Variants in ZNF43 observed in about 807,000 individuals in gnomAD.
The protein encoded by ZNF43 is zinc finger protein 43.
ZNF43 carries 44 observed loss-of-function variants against 68.4 expected under a neutral mutation model. The observed-to-expected ratio is 0.64, with a 90% confidence interval of 0.51 to 0.83. The LOEUF is 0.83. Ranked by LOEUF, ZNF43 falls within the 40% of genes least tolerant of loss-of-function variation. The pLI, the probability that ZNF43 is intolerant of heterozygous loss-of-function variation, is 0.00. For missense variants in ZNF43, 896 were observed against 933.2 expected (o/e 0.96, Z 0.52); for synonymous variants, 308 against 307.8 (o/e 1.00, Z -0.01).
At chr19:21,837,283 T>C (rs1477763622), upstream of ZNF43, among the ~76,000 whole-genome samples, 1 of 152,106 alleles carries the variant, frequency 6.6e-6, no homozygotes, top group East Asian at 1.9e-4. Flanking sequence ...GGTACAGAAG[T>C]TCTAATGGAA....
At position 21,808,139 on chromosome 19, in the gene ZNF43, T is replaced by C. The variant is rs2037053227; in HGVS notation, c.1898A>G (p.Gln633Arg). The C allele has an allele frequency of 3.1e-6, 5 of 1,612,472 alleles. No homozygotes were observed. The highest frequency in any genetic ancestry group is 3.4e-6 in the Non-Finnish European group (4 of 1,179,560). ...KCEECGKAFN[Q>R]FSTLTKHKII... Reference sequence around the variant, plus strand: ...CTTATGTTTAGTAAGAGTTGAGAACTGGTTAAAAGCTTTGCCACATTCTTC... The same window carrying C: ...CTTATGTTTAGTAAGAGTTGAGAACCGGTTAAAAGCTTTGCCACATTCTTC... Residue 633 changes from glutamine to arginine, a missense_variant, in exon 4 of 4, where the codon CAG becomes CGG. By Grantham distance (43) the Gln-to-Arg change is conservative. Transcript: ENST00000354959.
At chr19:21,814,782 T>C (rs2037439580) in intron 3 of ZNF43, among the ~76,000 whole-genome samples, 1 of 152,128 alleles carries the variant, frequency 6.6e-6, no homozygotes, top group Non-Finnish European at 1.5e-5. Flanking sequence ...GAAATTATAA[T>C]ACATAGGTAA....
chr19:21,837,627 G>A (rs115779019), upstream of ZNF43, among the ~76,000 whole-genome samples: 740 of 151,458 alleles, frequency 4.9e-3, 6 homozygotes, highest in African/African-American at 0.017. Flanking sequence ...CAGATTACTC[G>A]ATAATTAAAA....
chr19:21,822,152 G>T (rs1184621058), intron 1 of ZNF43, among the ~76,000 whole-genome samples: 1 of 112,780 alleles, frequency 8.9e-6, no homozygotes, highest in Non-Finnish European at 2.0e-5. Context: ...GCTAATATGA[G>T]TTTCACCTTT....
chr19:21,839,357 G>C (rs1203248100), upstream of ZNF43, among the ~76,000 whole-genome samples: 41 of 53,262 alleles, frequency 7.7e-4, 1 homozygote, highest in Middle Eastern at 0.012. Flanking sequence ...AAAAAAAAAA[G>C]AGATCACATA....
intron 1 of ZNF43, among the ~76,000 whole-genome samples, chr19:21,842,784 A>G (rs1254545845): frequency 1.3e-5 from 2 of 152,166 alleles, no homozygotes; most frequent in Non-Finnish European, 2.9e-5. Context: ...GAGTCATATA[A>G]TCTAGTTTAT....
intron 2 of ZNF43, 127 bp from the exon 3 acceptor site, chr19:21,818,113 T>G (rs2037619836): frequency 1.6e-5 from 17 of 1,067,780 alleles, no homozygotes; most frequent in Non-Finnish European, 2.2e-5. Flanking sequence ...CTAATTTTTT[T>G]TTTTTTGGAG....
At chr19:21,819,347 C>T (rs368395605) in intron 1 of ZNF43, 126 bp from the exon 2 acceptor site, 1 of 1,028,300 alleles carries the variant, frequency 9.7e-7, no homozygotes, top group African/African-American at 1.7e-5. Context: ...ATAGAAGAGA[C>T]TGAAATTATC....
At chr19:21,850,495 A>C (rs1968273749) in intron 1 of ZNF43, among the ~76,000 whole-genome samples, 1 of 151,784 alleles carries the variant, frequency 6.6e-6, no homozygotes, top group African/African-American at 2.4e-5. Flanking sequence ...GGGAAGCGGA[A>C]GTTGCAGTGA....
At chr19:21,820,201 A>C (rs1347566891) in intron 1 of ZNF43, among the ~76,000 whole-genome samples, 1 of 55,290 alleles carries the variant, frequency 1.8e-5, no homozygotes, top group Non-Finnish European at 3.5e-5. Context: ...TCCATCTCAA[A>C]ATAATAATAA....
intron 1 of ZNF43, among the ~76,000 whole-genome samples, chr19:21,824,741 AAAAAAAAAAAG>A (rs1568367239): frequency 1.3e-5 from 2 of 151,708 alleles, no homozygotes; most frequent in Non-Finnish European, 2.9e-5. Context: ...CTAAAAAAAA[AAAAAAAAAAAG>A]AAAAAAGAAA....
upstream of ZNF43, among the ~76,000 whole-genome samples, chr19:21,838,588 C>T (rs573791752): frequency 1.3e-5 from 2 of 152,060 alleles, no homozygotes; most frequent in Admixed American, 6.6e-5. Flanking sequence ...TTAGTAGAGA[C>T]GGGGTTTCCC....
Position 21,809,191 on chromosome 19 carries a change from T to C in ZNF43, c.846A>G (p.Gly282=), listed in dbSNP as rs1410199101. Reference sequence around the variant, plus strand: ...ATTCTTTACATTTGTAGAATTTCTCTCCAGTGCGAATTATCTTATGGGTAG... The same window carrying C: ...ATTCTTTACATTTGTAGAATTTCTCCCCAGTGCGAATTATCTTATGGGTAG... ...ILTTHKIIRT[G]EKFYKCKECA... Residue 282 remains glycine (G), a synonymous_variant, in exon 4 of 4, where the codon GGA becomes GGG. Coordinates refer to ENST00000354959, the MANE Select transcript of ZNF43 (RefSeq NM_003423.4). 11 of 1,613,454 alleles carry C rather than the reference T, an allele frequency of 6.8e-6. No individual in the cohort carries two copies. The highest frequency in any genetic ancestry group is 9.3e-6 in the Non-Finnish European group (11 of 1,179,748).
At chr19:21,850,895 G>GAC (rs59345611) in intron 1 of ZNF43, 2 of 48,836 alleles carry the variant, frequency 4.1e-5, no homozygotes, top group African/African-American at 5.6e-4. Context: ...GCCAAGGCAG[G>GAC]AGTCAAATCA....
chr19:21,828,861 G>A (rs1393853367), intron 1 of ZNF43, among the ~76,000 whole-genome samples: 4 of 151,286 alleles, frequency 2.6e-5, no homozygotes, highest in Admixed American at 6.6e-5. Flanking sequence ...GTGAAACCCC[G>A]TCTCTACTAA....
intron 3 of ZNF43, among the ~76,000 whole-genome samples, chr19:21,816,652 A>G (rs2037541730): frequency 1.3e-5 from 2 of 152,128 alleles, no homozygotes; most frequent in Admixed American, 6.5e-5. Flanking sequence ...AAGCAGTTCA[A>G]TGACTGTTCC....
rs1034369629 is a variant in ZNF43, at chr19:21,805,533, G to T, written c.*2074C>A. ...ACTTGGGAGGCTGAGGCAGGAGAAT[G>T]GAGTGAACCTGGGAGGCGGAGCTTG... On this transcript the variant is annotated 3_prime_UTR_variant, in exon 4 of 4. Transcript: ENST00000354959. 2.0e-5 allele frequency: 3 copies of T among 151,076 alleles called. No individual in the cohort carries two copies. Among genetic ancestry groups the T allele is most frequent in the Admixed American group, 2.0e-4 (3 of 15,160 alleles). 9.4% of individuals were successfully genotyped at this position (151,076 alleles called of 1,614,324 possible). A position where few individuals can be genotyped will look rare whatever the true frequency, so the allele number is the denominator to read the frequency against.
intron 1 of ZNF43, among the ~76,000 whole-genome samples, chr19:21,821,256 C>A (rs1190879080): frequency 6.6e-6 from 1 of 151,866 alleles, no homozygotes; most frequent in East Asian, 1.9e-4. Flanking sequence ...TGTCATTCTC[C>A]CGCCTCAGCC....
intron 1 of ZNF43, among the ~76,000 whole-genome samples, chr19:21,844,347 CAAAAAAAAAA>C (rs57500822): frequency 2.3e-5 from 1 of 43,140 alleles, no homozygotes; most frequent in Non-Finnish European, 5.8e-5. Context: ...GACTCTGTCT[CAAAAAAAAAA>C]AAAAAAAAAA....
Sources: allele counts gnomAD v4.1 joint callset (sites outside exome capture counted in the v4.1 genomes callset), GRCh38; gene constraint gnomAD v4.1.1; transcripts MANE v1.5; gene names NCBI Gene and HGNC (gene_info 2026-07-23, HGNC 2026-07-21).